The following CLEC12A variants were observed in gnomAD, a reference collection of about 807,000 sequenced individuals.
The protein encoded by CLEC12A is C-type lectin protein CLL-1.
Under a neutral mutation model 26.5 loss-of-function variants are expected in CLEC12A, and 22 were observed. The ratio of observed to expected loss-of-function variants is 0.83; its 90% CI spans 0.59 to 1.19. CLEC12A has a LOEUF of 1.19. Ranked by LOEUF, CLEC12A falls within the 50% of genes most tolerant of loss-of-function variation. The pLI is 0.00. For synonymous variants in CLEC12A, 119 were observed against 101.9 expected (o/e 1.17, Z -1.01); for missense variants, 353 against 315.6 (o/e 1.12, Z -0.90).
the CLEC12A span, among the ~76,000 whole-genome samples, chr12:10,004,952 G>C: frequency 1.5e-4 from 23 of 150,620 alleles, no homozygotes; most frequent in South Asian, 4.0e-3. Context: ...TGTGTGGTAG[G>C]AACAACCCTC....
At chr12:9,979,130 T>C in intron 2 of CLEC12A, 66 bp downstream of exon 2, 1 of 1,334,754 alleles carries the variant, frequency 7.5e-7, no homozygotes, top group African/African-American at 1.4e-5. Flanking sequence ...GCAACAAAAG[T>C]TTATTCCTTC....
intron 5 of CLEC12A, chr12:9,983,585 G>A (rs1864645640): frequency 3.0e-6 from 2 of 677,748 alleles, no homozygotes; most frequent in South Asian, 1.6e-5. Flanking sequence ...ACTATTGGAA[G>A]TCCATCATTT....
chr12:9,975,263 T>G (rs1864292220), intron 1 of CLEC12A, among the ~76,000 whole-genome samples: 1 of 151,966 alleles, frequency 6.6e-6, no homozygotes, highest in African/African-American at 2.4e-5. Context: ...CAGGCAGAGG[T>G]TGGAATACTT....
chr12:9,971,803 C>A, intron 1 of CLEC12A, 116 bp downstream of exon 1: 2 of 853,488 alleles, frequency 2.3e-6, no homozygotes, highest in South Asian at 2.7e-5. Flanking sequence ...AATTAAGTCT[C>A]TTATGTTTAA....
chr12:9,982,376 A>T (rs532913325), intron 5 of CLEC12A, among the ~76,000 whole-genome samples: 1 of 152,134 alleles, frequency 6.6e-6, no homozygotes, highest in South Asian at 2.1e-4. Flanking sequence ...AAATAATTTT[A>T]TCTAAGAAAA....
At chr12:9,996,925 T>A, downstream of CLEC12A, 1 of 1,614,116 alleles carries the variant, frequency 6.2e-7, no homozygotes. Context: ...CCATGTTAAG[T>A]TGTGCCTGAA....
At chr12:9,964,598 G>T (rs893058738) in intron 1 of CLEC12A, among the ~76,000 whole-genome samples, 4 of 152,188 alleles carry the variant, frequency 2.6e-5, no homozygotes, top group African/African-American at 7.2e-5. Flanking sequence ...CCAGTCCTGG[G>T]TGGGGGCAAA....
In CLEC12A at chr12:9,971,678, G is replaced by A. The variant is rs1201493096; in HGVS notation, c.82G>A (p.Gly28Arg). The A allele has an allele frequency of 2.5e-6, 4 of 1,608,204 alleles. No individual in the cohort carries two copies. The highest frequency in any genetic ancestry group is 3.4e-5 in the Admixed American group (2 of 59,322). The part of the protein sequence containing the change: ...MEKIPEIGKF[G>R]EKAPPAPSHV... ...AAAAATCCCAGAAATTGGCAAATTT[G>A]GGGAAAAAGGTAAGATTTTGAGTTA... The change falls in exon 1 of 6, where the codon GGG becomes AGG. Residue 28 changes from glycine to arginine, a missense_variant. By Grantham distance (125) the Gly-to-Arg change is moderately radical. Coordinates refer to ENST00000304361, the MANE Select transcript of CLEC12A (RefSeq NM_138337.6).
chr12:9,951,371 T>C (rs572016928), intron 1 of CLEC12A: 363 of 702,864 alleles, frequency 5.2e-4, no homozygotes, highest in Non-Finnish European at 8.8e-4. Flanking sequence ...GTGTCTTTTG[T>C]GGATACCGAC....
intron 3 of CLEC12A, among the ~76,000 whole-genome samples, chr12:9,980,315 G>A (rs1864503101): frequency 6.6e-6 from 1 of 151,756 alleles, no homozygotes; most frequent in Non-Finnish European, 1.5e-5. Context: ...GAAACGGCAT[G>A]TAATCCCAGC....
rs1185702800 is a variant in CLEC12A, at chr12:9,982,017, T to C, written c.532-3T>C. The C allele has an allele frequency of 1.4e-6, 2 of 1,410,100 alleles. No individual in the cohort carries two copies. The highest frequency in any genetic ancestry group is 1.4e-5 in the African/African-American group (1 of 70,696). 87.3% of individuals were successfully genotyped at this position (1,410,100 alleles called of 1,614,324 possible). A position where few individuals can be genotyped will look rare whatever the true frequency, so the allele number is the denominator to read the frequency against. On this transcript the variant is annotated splice_region_variant and splice_polypyrimidine_tract_variant and intron_variant, in intron 4 of 5. Coordinates refer to ENST00000304361, the MANE Select transcript of CLEC12A (RefSeq NM_138337.6). ...TTAAACAGACTATCTGTATTTCCTG[T>C]AGGAATTTATAAAATCCCAGAGTAG...
the CLEC12A span, among the ~76,000 whole-genome samples, chr12:10,003,877 T>C: frequency 8.7e-4 from 133 of 152,224 alleles, no homozygotes; most frequent in Non-Finnish European, 5.6e-4. Flanking sequence ...AATTGTGCCA[T>C]TGCAGTCCAG....
chr12:9,995,912 T>C (rs1406360416), downstream of CLEC12A, among the ~76,000 whole-genome samples: 2 of 152,208 alleles, frequency 1.3e-5, no homozygotes, highest in Non-Finnish European at 2.9e-5. Flanking sequence ...TCTGTCTTAC[T>C]AACTGCATAG....
Position 9,985,108 on chromosome 12 carries a change from A to AT in CLEC12A, c.*84dup. The AT allele has an allele frequency of 7.6e-7, 1 of 1,308,400 alleles. No homozygotes were observed. Among genetic ancestry groups the AT allele is most frequent in the South Asian group, 2.4e-5 (1 of 41,380 alleles). The allele number at this position is 1,308,400 out of a possible 1,614,324, so 81.0% of individuals were successfully genotyped here. A position where few individuals can be genotyped will look rare whatever the true frequency, so the allele number is the denominator to read the frequency against. On this transcript the variant is annotated 3_prime_UTR_variant, in exon 6 of 6. Transcript: ENST00000304361. Reference sequence around the variant, plus strand: ...AAATTTAAATATTTTCTGGTTGACAATTAGTTGAGTTTGTCTGAAGACCTG... The same window carrying AT: ...AAATTTAAATATTTTCTGGTTGACAATTTAGTTGAGTTTGTCTGAAGACCTG...
the CLEC12A span, among the ~76,000 whole-genome samples, chr12:10,004,212 C>A: frequency 0.027 from 4,182 of 152,254 alleles, 126 homozygotes; most frequent in African/African-American, 0.06. Flanking sequence ...TTAGCTCTGC[C>A]ATCTGCAGAC....
intron 1 of CLEC12A, among the ~76,000 whole-genome samples, chr12:9,957,813 G>A (rs930067725): frequency 6.6e-6 from 1 of 152,202 alleles, no homozygotes; most frequent in African/African-American, 2.4e-5. Flanking sequence ...TAAAATGGGA[G>A]CCAGGTTTGC....
intron 1 of CLEC12A, among the ~76,000 whole-genome samples, chr12:9,960,906 C>T (rs1863817304): frequency 6.6e-6 from 1 of 152,150 alleles, no homozygotes; most frequent in South Asian, 2.1e-4. Context: ...TATTTTTCCC[C>T]TGTCCACGTA....
chr12:9,999,162 C>T, downstream of CLEC12A: 1 of 1,074,962 alleles, frequency 9.3e-7, no homozygotes, highest in Non-Finnish European at 1.4e-6. Context: ...TAGTTTCCAA[C>T]TTTACAATTT....
intron 1 of CLEC12A, among the ~76,000 whole-genome samples, chr12:9,975,186 T>G (rs1864288894): frequency 6.6e-6 from 1 of 152,128 alleles, no homozygotes; most frequent in Admixed American, 6.5e-5. Flanking sequence ...AGTAAATTGG[T>G]ACCAATAGAG....
Sources: gnomAD v4.1 joint callset for allele counts (sites outside exome capture counted in the v4.1 genomes callset) on GRCh38, gnomAD v4.1.1 for gene constraint, MANE v1.5 for transcripts, NCBI Gene and HGNC (gene_info 2026-07-23, HGNC 2026-07-21) for gene names.